The following FAM53A variants were observed in gnomAD, a reference collection of about 807,000 sequenced individuals.
FAM53A encodes the protein protein FAM53A.
Under a neutral mutation model 26.6 loss-of-function variants are expected in FAM53A, and 28 were observed. The observed-to-expected ratio is 1.05, with a 90% CI of 0.78 to 1.45. The LOEUF (loss-of-function observed/expected upper bound fraction) is 1.45. Ranked by LOEUF, FAM53A falls within the 40% of genes most tolerant of loss-of-function variation. The pLI, the probability that FAM53A is intolerant of heterozygous loss-of-function variation, is 0.00. For missense variants in FAM53A, 650 were observed against 575.8 expected, an observed-to-expected ratio of 1.13 and a Z score of -1.32; for synonymous variants, 290 against 253.1, an observed-to-expected ratio of 1.15 and a Z score of -1.38.
chr4:1,605,574 C>G, the FAM53A span, among the ~76,000 whole-genome samples: 1 of 152,174 alleles, frequency 6.6e-6, no homozygotes, highest in East Asian at 1.9e-4. The surrounding 1 kb of genome is among the most constrained non-coding windows in gnomAD (Gnocchi z 5.7). Context: ...CGCCCTCCAG[C>G]CACACTTCCC....
intron 4 of FAM53A, chr4:1,644,404 A>C (rs972611581): frequency 6.6e-7 from 1 of 1,516,928 alleles, no homozygotes; most frequent in Non-Finnish European, 8.8e-7. Context: ...GCAGGAGAAA[A>C]AACTTCTGCC....
At chr4:1,580,568 C>G in the FAM53A span, among the ~76,000 whole-genome samples, 1 of 150,640 alleles carries the variant, frequency 6.6e-6, no homozygotes, top group South Asian at 2.1e-4. Flanking sequence ...ACCTCCCGCC[C>G]TAGGCCCCGC....
At chr4:1,662,726 T>C (rs1713932704) in intron 2 of FAM53A, among the ~76,000 whole-genome samples, 1 of 150,488 alleles carries the variant, frequency 6.6e-6, no homozygotes, top group South Asian at 2.1e-4. Context: ...AAAAATGGGA[T>C]TTCATTAGAT....
In FAM53A at chr4:1,660,341, A is replaced by G. The variant is rs547538354; in HGVS notation, c.76-2873T>C. Among the ~76,000 whole-genome samples the G allele has an allele frequency of 1.7e-4, 21 of 126,024 alleles. No individual in the cohort carries two copies. The East Asian group carries it at 4.1e-3, about 25-fold the overall frequency. The allele number at this position is 126,024 out of a possible 152,430, so 82.7% of individuals were successfully genotyped here. ...AGGGCCGGACACAGGGAAATCCGGG[A>G]AATCCCAGCACTGTGGGGGCTGAGG... is the stretch of plus-strand genomic sequence containing the variant. On this transcript the variant is annotated intron_variant, in intron 2 of 4. Coordinates refer to ENST00000308132, the MANE Select transcript of FAM53A (RefSeq NM_001174070.3).
the FAM53A span, among the ~76,000 whole-genome samples, chr4:1,597,275 C>T: frequency 9.2e-5 from 14 of 152,230 alleles, no homozygotes; most frequent in African/African-American, 3.1e-4. Context: ...CCTGCCTCTG[C>T]TCCTCCCCCC....
chr4:1,586,118 A>T, the FAM53A span, among the ~76,000 whole-genome samples: 3 of 152,142 alleles, frequency 2.0e-5, no homozygotes, highest in South Asian at 6.2e-4. Flanking sequence ...GGATACTTAG[A>T]TTGATTCCAT....
intron 2 of FAM53A, among the ~76,000 whole-genome samples, chr4:1,664,419 T>C (rs1326494378): frequency 6.6e-6 from 1 of 152,208 alleles, no homozygotes; most frequent in African/African-American, 2.4e-5. Context: ...ACCTCATACA[T>C]GAATGTACGA....
At chr4:1,581,889 C>A in the FAM53A span, among the ~76,000 whole-genome samples, 1 of 150,818 alleles carries the variant, frequency 6.6e-6, no homozygotes, top group African/African-American at 2.5e-5. Flanking sequence ...GCCACCATGC[C>A]CAGCATTTTT....
intron 4 of FAM53A, among the ~76,000 whole-genome samples, chr4:1,642,879 G>T (rs1711851803): frequency 1.3e-5 from 2 of 152,242 alleles, no homozygotes; most frequent in Admixed American, 1.3e-4. Flanking sequence ...GCTTGTGAGG[G>T]CACGTGGGTG....
chr4:1,673,210 G>T (rs1289379086), intron 1 of FAM53A, among the ~76,000 whole-genome samples: 1 of 152,206 alleles, frequency 6.6e-6, no homozygotes, highest in Non-Finnish European at 1.5e-5. Flanking sequence ...ACTGGAGGGG[G>T]TCCCAATGCA....
chr4:1,646,895 A>G (rs1182031760), intron 4 of FAM53A, among the ~76,000 whole-genome samples: 1 of 152,198 alleles, frequency 6.6e-6, no homozygotes, highest in East Asian at 1.9e-4. Flanking sequence ...AAAGCTTTTC[A>G]AAGCCCTAAA....
At chr4:1,579,730 T>G in the FAM53A span, among the ~76,000 whole-genome samples, 14,248 of 152,182 alleles carry the variant, frequency 0.094, 1,057 homozygotes, top group African/African-American at 0.21. Context: ...GCCACGCGTG[T>G]CCCCAGGGCG....
At chr4:1,615,904 G>C (rs1485138250), downstream of FAM53A, among the ~76,000 whole-genome samples, 1 of 152,216 alleles carries the variant, frequency 6.6e-6, no homozygotes, top group Non-Finnish European at 1.5e-5. Context: ...GGCTGGGCAG[G>C]GATGGGCAAG....
chr4:1,612,659 G>A, the FAM53A span, among the ~76,000 whole-genome samples: 18 of 152,286 alleles, frequency 1.2e-4, no homozygotes, highest in Non-Finnish European at 1.9e-4. Context: ...CAGGCCTGCC[G>A]CATGTGACAC....
At chr4:1,679,135 A>G (rs1013777492) in intron 1 of FAM53A, among the ~76,000 whole-genome samples, 4 of 152,196 alleles carry the variant, frequency 2.6e-5, no homozygotes, top group Non-Finnish European at 5.9e-5. Flanking sequence ...ACAAAGAACC[A>G]TTATCCAAAA....
At chr4:1,645,516 G>A (rs1200895843) in intron 4 of FAM53A, among the ~76,000 whole-genome samples, 1 of 152,208 alleles carries the variant, frequency 6.6e-6, no homozygotes, top group Non-Finnish European at 1.5e-5. Context: ...TACAAAGCCA[G>A]GAAGCTGGAG....
the FAM53A span, among the ~76,000 whole-genome samples, chr4:1,589,052 G>A: frequency 1.6e-4 from 24 of 152,196 alleles, no homozygotes; most frequent in South Asian, 2.1e-3. Flanking sequence ...CCTTTATCTC[G>A]TACTCGCTTC....
chr4:1,575,980 C>A, the FAM53A span, among the ~76,000 whole-genome samples: 291 of 152,340 alleles, frequency 1.9e-3, no homozygotes, highest in Middle Eastern at 6.8e-3. Flanking sequence ...ACACCCCCCA[C>A]CTGCCCGGCT....
In FAM53A at chr4:1,634,862, T is replaced by C. The variant is rs528317303; in HGVS notation, c.432-16751A>G. ...TTGCAGTGAGTCAAGATCACACCAC[T>C]GCACTCCAGCCTGGGCAACAAGAGA... On this transcript the variant is annotated intron_variant, in intron 1 of 1. Coordinates refer to the FAM53A transcript ENST00000489029. Among the ~76,000 whole-genome samples, 10 of 150,924 alleles carry C rather than the reference T, an allele frequency of 6.6e-5. No individual in the cohort carries two copies. In the South Asian group the frequency reaches 1.3e-3, roughly 19 times the overall value.
Sources: allele counts gnomAD v4.1 joint callset (sites outside exome capture counted in the v4.1 genomes callset), GRCh38; gene constraint gnomAD v4.1.1; non-coding constraint Gnocchi (gnomAD v3.1); transcripts MANE v1.5; gene names NCBI Gene and HGNC (gene_info 2026-07-23, HGNC 2026-07-21).